Variants in PHACTR1 observed in about 807,000 individuals in gnomAD.
PHACTR1 encodes phosphatase and actin regulator 1.
Under a neutral mutation model 69.2 loss-of-function variants are expected in PHACTR1, and 16 were observed. That is an observed-to-expected ratio of 0.23 (90% CI 0.16 to 0.35). The LOEUF is 0.35. Among genes scored for constraint, PHACTR1 ranks in the 10% least tolerant of loss-of-function variants. The pLI, the probability that PHACTR1 is intolerant of heterozygous loss-of-function variation, is 1.00. For missense variants in PHACTR1, 510 were observed against 734.7 expected, an observed-to-expected ratio of 0.69 and a Z score of 3.54; for synonymous variants, 312 against 284.5, an observed-to-expected ratio of 1.10 and a Z score of -0.97.
chr6:13,160,170 C>T (rs1248580420), intron 5 of PHACTR1, 34 bp from the exon 6 acceptor site: 2 of 1,583,896 alleles, frequency 1.3e-6, no homozygotes, highest in South Asian at 1.1e-5. Flanking sequence ...GTTACCTACT[C>T]ACATCTGCCT....
intron 5 of PHACTR1, among the ~76,000 whole-genome samples, chr6:13,061,830 T>A (rs1583183894): frequency 6.6e-6 from 1 of 152,298 alleles, no homozygotes; most frequent in Non-Finnish European, 1.5e-5. Flanking sequence ...CAAATTGAGA[T>A]GTTTTGGCCC....
chr6:13,161,589 G>A (rs1235410860), intron 6 of PHACTR1, among the ~76,000 whole-genome samples: 2 of 152,056 alleles, frequency 1.3e-5, no homozygotes, highest in African/African-American at 2.4e-5. Flanking sequence ...ATCTGCCGAC[G>A]CAGTCCATTT....
chr6:13,190,500 G>T (rs1763426675), intron 7 of PHACTR1, among the ~76,000 whole-genome samples: 1 of 152,074 alleles, frequency 6.6e-6, no homozygotes, highest in South Asian at 2.1e-4. Flanking sequence ...TCCACAGCAT[G>T]ACTCAAGGAC....
intron 4 of PHACTR1, among the ~76,000 whole-genome samples, chr6:12,889,641 A>G (rs1339590186): frequency 1.3e-5 from 2 of 152,090 alleles, no homozygotes; most frequent in African/African-American, 4.8e-5. Flanking sequence ...TCAAGTTTTT[A>G]TGTTCATAGA....
At chr6:13,032,402 A>G (rs1459024483) in intron 4 of PHACTR1, among the ~76,000 whole-genome samples, 1 of 152,212 alleles carries the variant, frequency 6.6e-6, no homozygotes, top group African/African-American at 2.4e-5. Flanking sequence ...ATATAAACAA[A>G]TGACAAAGCA....
At chr6:12,893,033 T>A (rs573534474) in intron 4 of PHACTR1, among the ~76,000 whole-genome samples, 1 of 152,258 alleles carries the variant, frequency 6.6e-6, no homozygotes, top group Non-Finnish European at 1.5e-5. Context: ...GTCTTGGCAA[T>A]ATAGTGTCCA....
In PHACTR1 at chr6:13,194,484, A is replaced by G. The variant is rs572480670; in HGVS notation, c.665-11331A>G. On this transcript the variant is annotated intron_variant, in intron 7 of 14. Coordinates refer to ENST00000332995, the MANE Select transcript of PHACTR1 (RefSeq NM_030948.6). Reference sequence around the variant, plus strand: ...AATACTGTGTAATTTTATTGAAGAAAAAAAAAAAAACTAACTGAATTACAT... The same window carrying G: ...AATACTGTGTAATTTTATTGAAGAAGAAAAAAAAAACTAACTGAATTACAT... Among the ~76,000 whole-genome samples the G allele has an allele frequency of 6.0e-5, 9 of 150,606 alleles. No individual in the cohort carries two copies. The East Asian group carries it at 1.2e-3, about 19-fold the overall frequency.
chr6:13,026,591 C>A (rs115535582), intron 4 of PHACTR1, among the ~76,000 whole-genome samples: 1 of 152,034 alleles, frequency 6.6e-6, no homozygotes, highest in African/African-American at 2.4e-5. Context: ...CTTTTCTTCC[C>A]GTCTTCTCCT....
At chr6:13,185,467 A>G (rs867194015) in intron 7 of PHACTR1, among the ~76,000 whole-genome samples, 218 of 4,904 alleles carry the variant, frequency 0.044, no homozygotes, top group East Asian at 0.4. Context: ...CTCTTAGGGA[A>G]AAAAAAAAAA....
At chr6:13,247,876 A>C (rs1773813025) in intron 10 of PHACTR1, among the ~76,000 whole-genome samples, 1 of 152,164 alleles carries the variant, frequency 6.6e-6, no homozygotes, top group African/African-American at 2.4e-5. Context: ...TTAAAAAAAA[A>C]CAAAAATTTT....
At chr6:12,739,398 A>C (rs190133375) in intron 3 of PHACTR1, among the ~76,000 whole-genome samples, 2 of 152,190 alleles carry the variant, frequency 1.3e-5, no homozygotes, top group Non-Finnish European at 2.9e-5. Flanking sequence ...CCAAGTCATC[A>C]ATACATTATT....
chr6:12,906,841 A>T (rs1020304747), intron 4 of PHACTR1, among the ~76,000 whole-genome samples: 1 of 152,188 alleles, frequency 6.6e-6, no homozygotes, highest in Admixed American at 6.5e-5. Context: ...TGGATCAATG[A>T]TTACATTTAG....
At chr6:13,277,327 G>A (rs988009925) in intron 11 of PHACTR1, among the ~76,000 whole-genome samples, 2 of 152,192 alleles carry the variant, frequency 1.3e-5, no homozygotes, top group Non-Finnish European at 2.9e-5. Context: ...CACTCCTAAA[G>A]AGTCTACATG....
rs185553124 is a variant in PHACTR1, at chr6:13,028,567, G to A, written c.251-24798G>A. Among the ~76,000 whole-genome samples the A allele has an allele frequency of 3.3e-5, 5 of 152,220 alleles. No individual in the cohort carries two copies. In the East Asian group the frequency reaches 5.8e-4, roughly 18 times the overall value. On this transcript the variant is annotated intron_variant, in intron 4 of 14. Transcript: ENST00000332995. ...GTGATTGCAATGCCTGGAATATTTC[G>A]GGTCAGCGTTTTTCAGGCTGAGGAC...
At chr6:12,974,609 TAATTGGGTGAAAACTC>T (rs1794641573) in intron 4 of PHACTR1, among the ~76,000 whole-genome samples, 2 of 152,342 alleles carry the variant, frequency 1.3e-5, no homozygotes, top group East Asian at 1.9e-4. Context: ...CAACATTTTC[TAATTGGGTGAAAACTC>T]AATTGGGTGA....
chr6:13,001,978 G>A (rs1273683295), intron 4 of PHACTR1, among the ~76,000 whole-genome samples: 2 of 152,100 alleles, frequency 1.3e-5, no homozygotes, highest in African/African-American at 2.4e-5. Context: ...TTGTTGACTC[G>A]TTCATTCCTC....
rs901762465 is a variant in PHACTR1 at position 12,784,913 on chromosome 6, C to T, written c.250+35123C>T. 9.9e-5 allele frequency among the ~76,000 whole-genome samples: 15 copies of T among 151,556 alleles called. No homozygotes were observed. The East Asian group carries it at 1.4e-3, about 14-fold the overall frequency. On this transcript the variant is annotated intron_variant, in intron 4 of 14. Coordinates refer to ENST00000332995, the MANE Select transcript of PHACTR1 (RefSeq NM_030948.6). ...TAGTAGAGATGGGGTTTCTCCATGT[C>T]GATCAGGCTGGTCTCGAACTCCCAA...
At chr6:13,076,524 G>T (rs771108538) in intron 5 of PHACTR1, among the ~76,000 whole-genome samples, 1 of 152,078 alleles carries the variant, frequency 6.6e-6, no homozygotes, top group Non-Finnish European at 1.5e-5. Flanking sequence ...ACCAACATTT[G>T]GTCTTCTGCA....
At chr6:12,821,620 G>A (rs1171917703) in intron 4 of PHACTR1, among the ~76,000 whole-genome samples, 1 of 152,080 alleles carries the variant, frequency 6.6e-6, no homozygotes, top group Non-Finnish European at 1.5e-5. Context: ...GTCTTTCAAT[G>A]TCTCTGTATG....
Sources: allele counts gnomAD v4.1 joint callset (sites outside exome capture counted in the v4.1 genomes callset), GRCh38; gene constraint gnomAD v4.1.1; transcripts MANE v1.5; gene names NCBI Gene and HGNC (gene_info 2026-07-23, HGNC 2026-07-21).